Variants in ZBTB16 observed in about 807,000 individuals in gnomAD.
The protein encoded by ZBTB16 is zinc finger and BTB domain containing 16.
Under a neutral mutation model 56.8 loss-of-function variants are expected in ZBTB16, and 8 were observed. The ratio of observed to expected loss-of-function variants is 0.14; its 90% confidence interval spans 0.08 to 0.25. ZBTB16 has a LOEUF of 0.25. Ranked by LOEUF, ZBTB16 falls within the 10% of genes least tolerant of loss-of-function variation. The probability of loss-of-function intolerance (pLI) is 1.00; values close to 1 mark genes in which losing one functional copy is unlikely to be tolerated. For missense variants in ZBTB16, 625 were observed against 903.0 expected, an observed-to-expected ratio of 0.69 and a Z score of 3.95; for synonymous variants, 363 against 368.5, an observed-to-expected ratio of 0.98 and a Z score of 0.17.
At chr11:114,208,184 G>A (rs1173143640) in intron 4 of ZBTB16, among the ~76,000 whole-genome samples, 2 of 152,162 alleles carry the variant, frequency 1.3e-5, no homozygotes, top group African/African-American at 2.4e-5. Context: ...GCCACTGCAC[G>A]AGTTAGGGTG....
chr11:114,235,586 G>C (rs1385460406), intron 4 of ZBTB16, among the ~76,000 whole-genome samples: 1 of 151,648 alleles, frequency 6.6e-6, no homozygotes, highest in Non-Finnish European at 1.5e-5. Flanking sequence ...ACCCTGGCCT[G>C]GCTTTCTCCC....
At chr11:114,158,857 G>A (rs1942497226) in intron 3 of ZBTB16, among the ~76,000 whole-genome samples, 1 of 152,254 alleles carries the variant, frequency 6.6e-6, no homozygotes. Context: ...TATTTGTTGA[G>A]TGAATGATGC....
At chr11:114,109,498 G>T (rs1031470723) in intron 2 of ZBTB16, among the ~76,000 whole-genome samples, 3 of 152,158 alleles carry the variant, frequency 2.0e-5, no homozygotes, top group African/African-American at 7.2e-5. Flanking sequence ...CTGGAGTTGG[G>T]GTACACAATG....
At chr11:114,230,832 C>G (rs923171785) in intron 4 of ZBTB16, among the ~76,000 whole-genome samples, 29 of 152,170 alleles carry the variant, frequency 1.9e-4, no homozygotes, top group Non-Finnish European at 4.1e-4. Flanking sequence ...ACCCCTGCTC[C>G]CCTCCCCACT....
At chr11:114,136,868 G>C (rs547452437) in intron 2 of ZBTB16, among the ~76,000 whole-genome samples, 94 of 152,214 alleles carry the variant, frequency 6.2e-4, no homozygotes, top group African/African-American at 2.1e-3. Context: ...TGTCTCTGGG[G>C]TTTATGACTG....
intron 6 of ZBTB16, among the ~76,000 whole-genome samples, chr11:114,249,043 G>A (rs1273792838): frequency 6.6e-6 from 1 of 152,152 alleles, no homozygotes; most frequent in African/African-American, 2.4e-5. Context: ...TGGAAGGAAA[G>A]TTGGGGTATA....
At chr11:114,065,257 A>C (rs1939070478) in intron 2 of ZBTB16, among the ~76,000 whole-genome samples, 1 of 152,214 alleles carries the variant, frequency 6.6e-6, no homozygotes, top group Admixed American at 6.5e-5. Context: ...GCTCACACTG[A>C]ACTAAATGCC....
At chr11:114,243,844 T>C (rs1476976208) in intron 5 of ZBTB16, among the ~76,000 whole-genome samples, 1 of 152,206 alleles carries the variant, frequency 6.6e-6, no homozygotes, top group Non-Finnish European at 1.5e-5. Flanking sequence ...ACCCAGGATG[T>C]GCCCTGCTCT....
intron 2 of ZBTB16, among the ~76,000 whole-genome samples, chr11:114,130,426 G>A (rs2852799): frequency 0.29 from 43,456 of 152,164 alleles, 6,517 homozygotes; most frequent in Non-Finnish European, 0.32. Context: ...CGTGGCACTT[G>A]TGAATCTAGG....
intron 4 of ZBTB16, among the ~76,000 whole-genome samples, chr11:114,238,720 A>T (rs415066): frequency 1.3e-5 from 2 of 151,750 alleles, no homozygotes; most frequent in Non-Finnish European, 2.9e-5. Flanking sequence ...TGCCTGGCAT[A>T]TGCAGCCCTC....
chr11:114,068,747 C>T (rs947276827), intron 2 of ZBTB16, among the ~76,000 whole-genome samples: 3 of 152,198 alleles, frequency 2.0e-5, no homozygotes, highest in Non-Finnish European at 4.4e-5. Flanking sequence ...TGGGCCCTCC[C>T]TTTCTTATTC....
In ZBTB16 at chr11:114,085,783, A is replaced by G. The variant is rs143607597; in HGVS notation, c.1268+21215A>G. ...CAAGGTAGTGTGCTGGAATGGGGCG[A>G]TGGGCATGGGGTAGGATGGGAGATC... On this transcript the variant is annotated intron_variant, in intron 2 of 6. Coordinates refer to ENST00000335953, the MANE Select transcript of ZBTB16 (RefSeq NM_006006.6). Among the ~76,000 whole-genome samples the G allele has an allele frequency of 1.4e-4, 22 of 152,162 alleles. No homozygotes were observed. In the East Asian group the frequency reaches 3.7e-3, roughly 25 times the overall value.
chr11:114,177,869 T>C (rs777761327), intron 3 of ZBTB16, among the ~76,000 whole-genome samples: 3 of 152,222 alleles, frequency 2.0e-5, no homozygotes, highest in Non-Finnish European at 4.4e-5. Context: ...CACAAGCTAT[T>C]GCACCTGGCC....
intron 2 of ZBTB16, among the ~76,000 whole-genome samples, chr11:114,081,104 A>G (rs1459515598): frequency 6.6e-6 from 1 of 152,182 alleles, no homozygotes; most frequent in East Asian, 1.9e-4. Flanking sequence ...TTCTTCCTTC[A>G]CAAGCCTGCC....
At chr11:114,170,452 GA>G (rs1942928425) in intron 3 of ZBTB16, among the ~76,000 whole-genome samples, 1 of 152,218 alleles carries the variant, frequency 6.6e-6, no homozygotes, top group Admixed American at 6.5e-5. Context: ...GCCAGTGGGA[GA>G]GAGGGGCGGA....
Position 114,235,693 on chromosome 11 carries a change from T to TCTTTCTTTCTTTCTA in ZBTB16, c.1454-6474_1454-6473insCTTTCTTTCTTTCTA, listed in dbSNP as rs10669266. ...TTCTTTCTTTCTTTCTTTCTTTCTT[T>TCTTTCTTTCTTTCTA]TCTTTCTTTCTTTTCTTTCTTTCTT... On this transcript the variant is annotated intron_variant, in intron 4 of 6. Coordinates refer to ENST00000335953, the MANE Select transcript of ZBTB16 (RefSeq NM_006006.6). Among the ~76,000 whole-genome samples the TCTTTCTTTCTTTCTA allele has an allele frequency of 8.2e-3, 939 of 114,316 alleles. 19 individuals carry two copies. Among genetic ancestry groups the TCTTTCTTTCTTTCTA allele is most frequent in the East Asian group, 0.013 (48 of 3,612 alleles). 75.0% of individuals were successfully genotyped at this position (114,316 alleles called of 152,430 possible).
chr11:114,086,096 T>C (rs1354533810), intron 2 of ZBTB16, among the ~76,000 whole-genome samples: 1 of 152,158 alleles, frequency 6.6e-6, no homozygotes, highest in Admixed American at 6.5e-5. Context: ...CCTGCCCTGC[T>C]CTGTGGAGCC....
intron 4 of ZBTB16, among the ~76,000 whole-genome samples, chr11:114,199,856 C>T (rs896176566): frequency 2.0e-5 from 3 of 152,156 alleles, no homozygotes; most frequent in South Asian, 2.1e-4. Context: ...GGGCCGGGCA[C>T]GGTGGCTCAC....
chr11:114,095,256 T>TTCTTTTC (rs1346256655), intron 2 of ZBTB16, among the ~76,000 whole-genome samples: 2 of 132,712 alleles, frequency 1.5e-5, no homozygotes, highest in East Asian at 2.1e-4. Flanking sequence ...TTTTTTTTTT[T>TTCTTTTC]TTTTTTTTTT....
Sources: allele counts gnomAD v4.1 joint callset (sites outside exome capture counted in the v4.1 genomes callset), GRCh38; gene constraint gnomAD v4.1.1; transcripts MANE v1.5; gene names NCBI Gene and HGNC (gene_info 2026-07-23, HGNC 2026-07-21).